Variants in GRIK4 observed in about 807,000 individuals in gnomAD.
GRIK4 encodes the protein glutamate ionotropic receptor kainate type subunit 4.
In GRIK4, 40 loss-of-function variants were observed where a neutral mutation model predicts 104.9. The ratio of observed to expected loss-of-function variants is 0.38; its 90% CI spans 0.30 to 0.50. The LOEUF is 0.50. Among genes scored for constraint, GRIK4 ranks in the 20% least tolerant of loss-of-function variants. GRIK4 has a pLI of 0.93. For synonymous variants in GRIK4, 485 were observed against 524.9 expected (o/e 0.92, Z 1.04); for missense variants, 1,047 against 1,308.1 (o/e 0.80, Z 3.08).
intron 1 of GRIK4, among the ~76,000 whole-genome samples, chr11:120,613,036 A>G (rs1591738901): frequency 6.6e-6 from 1 of 152,168 alleles, no homozygotes; most frequent in African/African-American, 2.4e-5. Flanking sequence ...GGTTGCTGGG[A>G]TAAAGAGCCA....
intron 2 of GRIK4, among the ~76,000 whole-genome samples, chr11:120,659,150 C>T (rs184394957): frequency 7.2e-5 from 11 of 152,162 alleles, no homozygotes; most frequent in African/African-American, 1.9e-4. Flanking sequence ...AGCTGGCTGT[C>T]GGCAGAATCT....
intron 3 of GRIK4, among the ~76,000 whole-genome samples, chr11:120,775,742 A>AT (rs1952030527): frequency 6.6e-6 from 1 of 152,268 alleles, no homozygotes; most frequent in Non-Finnish European, 1.5e-5. Context: ...CAATCCGACA[A>AT]TCCTGATGAG....
Position 120,549,396 on chromosome 11 carries a change from G to A in GRIK4, c.-159+37509G>A, listed in dbSNP as rs1256474461. On this transcript the variant is annotated intron_variant, in intron 1 of 20. Transcript: ENST00000527524. The surrounding 1 kb of genome is among the most constrained non-coding windows in gnomAD (Gnocchi z 4.7). ...GCTGGAATTATAGGCGTGAGCCACCGCGCCCGGCCTTGGCTGTTCTTTAAT... is the reference window on the plus strand; with the variant it reads ...GCTGGAATTATAGGCGTGAGCCACCACGCCCGGCCTTGGCTGTTCTTTAAT... Among the ~76,000 whole-genome samples the A allele has an allele frequency of 5.3e-5, 8 of 152,266 alleles. No homozygotes were observed. The East Asian group carries it at 5.8e-4, about 11-fold the overall frequency.
intron 1 of GRIK4, chr11:120,564,712 C>A (rs930960497): frequency 6.6e-6 from 1 of 152,326 alleles, no homozygotes; most frequent in African/African-American, 2.4e-5. Context: ...AGGGCACGGC[C>A]GCCGCCGCAG....
At chr11:120,662,670 G>A (rs1444070420) in intron 3 of GRIK4, among the ~76,000 whole-genome samples, 1 of 152,126 alleles carries the variant, frequency 6.6e-6, no homozygotes, top group Non-Finnish European at 1.5e-5. Context: ...AGAGGCTTAT[G>A]GGAAGGGAAG....
At chr11:120,579,535 A>G (rs1411252805) in intron 1 of GRIK4, among the ~76,000 whole-genome samples, 1 of 152,198 alleles carries the variant, frequency 6.6e-6, no homozygotes. Context: ...CTAAAATAAG[A>G]TCACTTTGGA....
intron 1 of GRIK4, among the ~76,000 whole-genome samples, chr11:120,543,858 A>G (rs1948060780): frequency 6.6e-6 from 1 of 152,260 alleles, no homozygotes; most frequent in Admixed American, 6.5e-5. Flanking sequence ...CCTGGAGGAC[A>G]GTGTGCTAAG....
chr11:120,951,955 C>G (rs1565458438), intron 14 of GRIK4, among the ~76,000 whole-genome samples: 1 of 152,262 alleles, frequency 6.6e-6, no homozygotes, highest in South Asian at 2.1e-4. Context: ...TGGTGTGTCA[C>G]CTCGGATCTA....
At chr11:120,985,627 C>CAA (rs34882153) in intron 20 of GRIK4, among the ~76,000 whole-genome samples, 46,518 of 113,362 alleles carry the variant, frequency 0.41, 7,988 homozygotes, top group Admixed American at 0.49. Flanking sequence ...TGGAAATGTG[C>CAA]AAAAAAAAAA....
chr11:120,732,812 C>T (rs1185221223), intron 3 of GRIK4, among the ~76,000 whole-genome samples: 1 of 152,206 alleles, frequency 6.6e-6, no homozygotes, highest in African/African-American at 2.4e-5. Flanking sequence ...GTGTATTCTG[C>T]AGCCACTGGA....
intron 3 of GRIK4, among the ~76,000 whole-genome samples, chr11:120,698,576 C>T (rs1229878725): frequency 6.6e-6 from 1 of 152,258 alleles, no homozygotes; most frequent in Non-Finnish European, 1.5e-5. Context: ...GTAATGTTCA[C>T]AATACCCTTA....
intron 1 of GRIK4, among the ~76,000 whole-genome samples, chr11:120,629,833 C>T (rs571042447): frequency 3.3e-5 from 5 of 152,322 alleles, no homozygotes; most frequent in Middle Eastern, 3.4e-3. Context: ...TCAGAGGCAT[C>T]TGCCCACCCC....
intron 7 of GRIK4, among the ~76,000 whole-genome samples, chr11:120,836,501 T>C (rs1319106053): frequency 2.0e-5 from 3 of 152,248 alleles, no homozygotes; most frequent in African/African-American, 7.2e-5. Flanking sequence ...CAGTAATGTC[T>C]GGCTATATCC....
chr11:120,613,979 C>T (rs1283569481), intron 1 of GRIK4, among the ~76,000 whole-genome samples: 1 of 152,194 alleles, frequency 6.6e-6, no homozygotes, highest in Non-Finnish European at 1.5e-5. Context: ...TCTGTTTTCT[C>T]CCAGGAGTTT....
At chr11:120,763,317 T>C (rs1397885705) in intron 3 of GRIK4, among the ~76,000 whole-genome samples, 2 of 152,210 alleles carry the variant, frequency 1.3e-5, no homozygotes, top group Admixed American at 6.5e-5. Flanking sequence ...TTATTGTGTC[T>C]ATTTGATTCT....
intron 1 of GRIK4, among the ~76,000 whole-genome samples, chr11:120,647,085 G>A (rs1017926413): frequency 5.3e-5 from 8 of 152,180 alleles, no homozygotes; most frequent in Non-Finnish European, 8.8e-5. Context: ...ATTTGGGGAT[G>A]AGCGGATCCA....
At chr11:120,777,157 C>T (rs1952060211) in intron 3 of GRIK4, among the ~76,000 whole-genome samples, 1 of 152,188 alleles carries the variant, frequency 6.6e-6, no homozygotes, top group Non-Finnish European at 1.5e-5. Flanking sequence ...CAAAGTTTAT[C>T]TTTGAGATAA....
intron 1 of GRIK4, among the ~76,000 whole-genome samples, chr11:120,607,985 G>A (rs1426797860): frequency 6.6e-6 from 1 of 152,176 alleles, no homozygotes; most frequent in Non-Finnish European, 1.5e-5. Context: ...GTCAAATCAG[G>A]TGAGGGTGGA....
chr11:120,790,491 G>C (rs137904427), intron 3 of GRIK4, among the ~76,000 whole-genome samples: 2 of 152,116 alleles, frequency 1.3e-5, no homozygotes, highest in African/African-American at 2.4e-5. Context: ...AAAAACAGCT[G>C]AGTACGTTCC....
Sources: allele counts gnomAD v4.1 joint callset (sites outside exome capture counted in the v4.1 genomes callset), GRCh38; gene constraint gnomAD v4.1.1; non-coding constraint Gnocchi (gnomAD v3.1); transcripts MANE v1.5; gene names NCBI Gene and HGNC (gene_info 2026-07-23, HGNC 2026-07-21).